The following IGSF11 variants were observed in gnomAD, a reference collection of about 807,000 sequenced individuals.
The protein encoded by IGSF11 is immunoglobulin superfamily member 11.
IGSF11 carries 22 observed loss-of-function variants against 41.0 expected under a neutral mutation model. The ratio of observed to expected loss-of-function variants is 0.54; its 90% confidence interval spans 0.38 to 0.77. The LOEUF is 0.77. IGSF11 is among the 30% of genes least tolerant of loss of function. IGSF11 has a pLI of 0.00. For missense variants in IGSF11, 444 were observed against 530.8 expected, an observed-to-expected ratio of 0.84 and a Z score of 1.61; for synonymous variants, 219 against 201.3, an observed-to-expected ratio of 1.09 and a Z score of -0.74.
chr3:119,000,756 C>T (rs895378546), intron 1 of IGSF11, among the ~76,000 whole-genome samples: 2 of 152,076 alleles, frequency 1.3e-5, no homozygotes, highest in Non-Finnish European at 2.9e-5. Context: ...AACACATTGC[C>T]CAAAATTATT....
chr3:119,029,206 ACACG>A (rs1433701069), intron 1 of IGSF11, among the ~76,000 whole-genome samples: 2 of 146,742 alleles, frequency 1.4e-5, no homozygotes, highest in East Asian at 2.0e-4. Context: ...ACACACACAC[ACACG>A]GTAGACATGG....
intron 1 of IGSF11, among the ~76,000 whole-genome samples, chr3:119,046,329 G>A (rs1001761404): frequency 5.3e-5 from 8 of 151,936 alleles, no homozygotes; most frequent in African/African-American, 1.9e-4. Context: ...ACCAAGGCTC[G>A]AGAACTACGT....
intron 1 of IGSF11, among the ~76,000 whole-genome samples, chr3:118,950,680 T>C (rs1944506914): frequency 6.6e-6 from 1 of 152,092 alleles, no homozygotes; most frequent in South Asian, 2.1e-4. Context: ...ATTCCATTTA[T>C]ATCAAGTTAA....
At chr3:119,106,381 T>C (rs942866367), upstream of IGSF11, among the ~76,000 whole-genome samples, 1 of 152,190 alleles carries the variant, frequency 6.6e-6, no homozygotes, top group African/African-American at 2.4e-5. Flanking sequence ...TCCCAGCCTC[T>C]GGTAACCATT....
chr3:119,083,312 G>C (rs546831157), intron 1 of IGSF11, among the ~76,000 whole-genome samples: 1 of 151,634 alleles, frequency 6.6e-6, no homozygotes, highest in South Asian at 2.1e-4. Context: ...GTAGCAATAG[G>C]GTTTTGCCAT....
At chr3:119,144,352 T>C (rs1268719735) in intron 1 of IGSF11, among the ~76,000 whole-genome samples, 1 of 152,110 alleles carries the variant, frequency 6.6e-6, no homozygotes, top group East Asian at 1.9e-4. Context: ...CAAAAGCAAA[T>C]ACACATTCTT....
At chr3:119,089,774 C>T (rs974477324) in intron 1 of IGSF11, among the ~76,000 whole-genome samples, 2 of 152,200 alleles carry the variant, frequency 1.3e-5, no homozygotes, top group African/African-American at 4.8e-5. Context: ...CCTGTAATCT[C>T]AGCACTTTGG....
At chr3:118,967,386 T>A (rs1339300555) in intron 1 of IGSF11, among the ~76,000 whole-genome samples, 1 of 152,206 alleles carries the variant, frequency 6.6e-6, no homozygotes, top group Non-Finnish European at 1.5e-5. Flanking sequence ...TTTACAAGAT[T>A]ATGCTGTTTC....
At chr3:118,983,368 T>A (rs941812865) in intron 1 of IGSF11, 9 of 152,176 alleles carry the variant, frequency 5.9e-5, no homozygotes, top group African/African-American at 2.2e-4. Flanking sequence ...CTAAGAAGTG[T>A]GCTCCAGAAT....
At chr3:119,064,039 G>A (rs1942140854) in intron 1 of IGSF11, among the ~76,000 whole-genome samples, 1 of 152,188 alleles carries the variant, frequency 6.6e-6, no homozygotes. Context: ...GTAGCGTTAG[G>A]TCCTTGGTTG....
intron 1 of IGSF11, among the ~76,000 whole-genome samples, chr3:119,049,677 G>A (rs1941531683): frequency 6.6e-6 from 1 of 152,184 alleles, no homozygotes; most frequent in East Asian, 1.9e-4. Flanking sequence ...CCTAAAAAGA[G>A]CCCTCATTGA....
intron 1 of IGSF11, among the ~76,000 whole-genome samples, chr3:118,972,887 G>T (rs1933605138): frequency 6.6e-6 from 1 of 152,132 alleles, no homozygotes; most frequent in South Asian, 2.1e-4. Flanking sequence ...CACCATAAAT[G>T]AATAGAGTTG....
chr3:118,962,343 CTGA>C (rs1945389773), intron 1 of IGSF11, among the ~76,000 whole-genome samples: 1 of 151,976 alleles, frequency 6.6e-6, no homozygotes, highest in Admixed American at 6.6e-5. Flanking sequence ...TACTTTGTTG[CTGA>C]TATGATTATA....
chr3:118,947,975 A>G (rs928417820), intron 1 of IGSF11: 1 of 152,244 alleles, frequency 6.6e-6, no homozygotes, highest in Non-Finnish European at 1.5e-5. Context: ...GGAATACACC[A>G]TAACTTAATC....
chr3:119,090,573 T>C (rs1040619600), intron 1 of IGSF11, among the ~76,000 whole-genome samples: 9 of 151,898 alleles, frequency 5.9e-5, no homozygotes, highest in South Asian at 2.1e-4. Flanking sequence ...AACTCAGAAA[T>C]AAAGCCACAC....
intron 1 of IGSF11, among the ~76,000 whole-genome samples, chr3:119,112,108 ACT>A (rs1453592727): frequency 6.6e-6 from 1 of 152,164 alleles, no homozygotes; most frequent in Admixed American, 6.5e-5. Flanking sequence ...TGGGAGAACC[ACT>A]GCTCTCTTCA....
chr3:119,023,329 C>G (rs1050077656), intron 1 of IGSF11, among the ~76,000 whole-genome samples: 1 of 140,070 alleles, frequency 7.1e-6, no homozygotes, highest in African/African-American at 2.7e-5. Context: ...AAGAAGATCA[C>G]GAAGATGAAA....
At chr3:118,990,734 T>C (rs914579408) in intron 1 of IGSF11, among the ~76,000 whole-genome samples, 2 of 152,172 alleles carry the variant, frequency 1.3e-5, no homozygotes, top group Non-Finnish European at 2.9e-5. Flanking sequence ...CCTGGGCAAC[T>C]TGAGGGTCTC....
intron 1 of IGSF11, among the ~76,000 whole-genome samples, chr3:118,939,240 C>A (rs188256346): frequency 9.1e-4 from 138 of 151,678 alleles, no homozygotes; most frequent in Middle Eastern, 3.4e-3. Context: ...AAACTAAACT[C>A]AATAGGAAGA....
Sources: allele counts gnomAD v4.1 joint callset (sites outside exome capture counted in the v4.1 genomes callset), GRCh38; gene constraint gnomAD v4.1.1; transcripts MANE v1.5; gene names NCBI Gene and HGNC (gene_info 2026-07-23, HGNC 2026-07-21).